Variants in AUTS2 observed in about 807,000 individuals in gnomAD.
The protein encoded by AUTS2 is autism susceptibility gene 2 protein.
Under a neutral mutation model 112.4 loss-of-function variants are expected in AUTS2, and 17 were observed. The ratio of observed to expected loss-of-function variants is 0.15; its 90% CI spans 0.10 to 0.23. The LOEUF (loss-of-function observed/expected upper bound fraction) is 0.23. AUTS2 is among the 10% of genes least tolerant of loss of function. The pLI is 1.00. For missense variants in AUTS2, 1,510 were observed against 1,701.6 expected (o/e 0.89, Z 1.98); for synonymous variants, 751 against 702.7 (o/e 1.07, Z -1.09).
chr7:70,237,270 A>C (rs1049573832), intron 4 of AUTS2, among the ~76,000 whole-genome samples: 2 of 152,198 alleles, frequency 1.3e-5, no homozygotes, highest in African/African-American at 2.4e-5. Context: ...TGCATCTCCT[A>C]GTTATTTGTT....
At chr7:70,046,359 A>G (rs1801503898) in intron 2 of AUTS2, among the ~76,000 whole-genome samples, 1 of 152,210 alleles carries the variant, frequency 6.6e-6, no homozygotes, top group Non-Finnish European at 1.5e-5. Context: ...TCTTCATATT[A>G]AATAAAACAA....
chr7:69,720,729 G>A (rs1798886683), intron 1 of AUTS2, among the ~76,000 whole-genome samples: 1 of 152,136 alleles, frequency 6.6e-6, no homozygotes, highest in South Asian at 2.1e-4. Flanking sequence ...GCTTTTTAGG[G>A]AGGAAATTCT....
At chr7:70,391,501 A>C (rs945323833) in intron 4 of AUTS2, among the ~76,000 whole-genome samples, 2 of 152,168 alleles carry the variant, frequency 1.3e-5, no homozygotes, top group African/African-American at 4.8e-5. Context: ...TGTGGAGTTC[A>C]GGCCCTCACA....
chr7:70,362,535 A>C (rs940852522), intron 4 of AUTS2, among the ~76,000 whole-genome samples: 3 of 152,096 alleles, frequency 2.0e-5, no homozygotes, highest in Non-Finnish European at 2.9e-5. Context: ...ATGTTCGTTG[A>C]TATTTCAAGC....
intron 3 of AUTS2, among the ~76,000 whole-genome samples, chr7:70,127,118 G>A (rs1032486577): frequency 1.3e-5 from 2 of 151,162 alleles, no homozygotes; most frequent in African/African-American, 4.9e-5. Context: ...AAGACACTGC[G>A]CCTGGCCTTG....
intron 4 of AUTS2, among the ~76,000 whole-genome samples, chr7:70,281,044 G>A (rs1439685154): frequency 6.6e-6 from 1 of 152,098 alleles, no homozygotes; most frequent in African/African-American, 2.4e-5. Flanking sequence ...CTGTCTCTGT[G>A]TGTGTGGAAA....
chr7:69,895,552 C>A (rs536856558), intron 1 of AUTS2, among the ~76,000 whole-genome samples: 3 of 147,082 alleles, frequency 2.0e-5, no homozygotes, highest in East Asian at 2.1e-4. Flanking sequence ...TTCCCCCCCC[C>A]CGAGTGGAAA....
At chr7:70,768,885 T>TTTTTTTC (rs1790122137) in intron 10 of AUTS2, among the ~76,000 whole-genome samples, 2 of 151,010 alleles carry the variant, frequency 1.3e-5, no homozygotes, top group African/African-American at 4.9e-5. Flanking sequence ...TTCTTTTTTT[T>TTTTTTTC]TTTTTTTTAA....
intron 5 of AUTS2, among the ~76,000 whole-genome samples, chr7:70,689,504 C>T (rs1189046322): frequency 2.6e-5 from 4 of 151,922 alleles, no homozygotes; most frequent in East Asian, 1.9e-4. Flanking sequence ...CAGCCAGGCA[C>T]GGTGGCTCAT....
chr7:69,605,560 A>G (rs995616162), intron 1 of AUTS2, among the ~76,000 whole-genome samples: 5 of 152,198 alleles, frequency 3.3e-5, no homozygotes. Flanking sequence ...GCTCTTTGGC[A>G]ACCTGTAAAA....
At chr7:70,404,846 AT>A (rs1794466897) in intron 4 of AUTS2, among the ~76,000 whole-genome samples, 1 of 152,244 alleles carries the variant, frequency 6.6e-6, no homozygotes, top group South Asian at 2.1e-4. Context: ...AATGGGTTTC[AT>A]AAGCATTTTC....
intron 1 of AUTS2, among the ~76,000 whole-genome samples, chr7:69,654,119 T>C (rs983808426): frequency 4.6e-5 from 7 of 152,236 alleles, no homozygotes; most frequent in Non-Finnish European, 8.8e-5. Flanking sequence ...TGGACAGCTA[T>C]GCTTGCTTTT....
intron 2 of AUTS2, among the ~76,000 whole-genome samples, chr7:70,000,217 G>A (rs1171866757): frequency 6.6e-6 from 1 of 152,154 alleles, no homozygotes; most frequent in African/African-American, 2.4e-5. Flanking sequence ...TCAGGGAACC[G>A]TACATAGAAT....
At chr7:69,604,588 G>C (rs1184159926) in intron 1 of AUTS2, among the ~76,000 whole-genome samples, 1 of 152,208 alleles carries the variant, frequency 6.6e-6, no homozygotes, top group Non-Finnish European at 1.5e-5. Context: ...AGGGTGAAGT[G>C]ATTTGGATAT....
intron 2 of AUTS2, among the ~76,000 whole-genome samples, chr7:70,005,927 C>T (rs1020969027): frequency 2.0e-5 from 3 of 152,078 alleles, no homozygotes; most frequent in African/African-American, 7.2e-5. Flanking sequence ...TATGCTAGTC[C>T]TTTGAAATTC....
chr7:70,513,359 A>G (rs530349934), intron 5 of AUTS2, among the ~76,000 whole-genome samples: 2 of 152,352 alleles, frequency 1.3e-5, no homozygotes, highest in South Asian at 4.1e-4. Flanking sequence ...ACCAGAAGCC[A>G]CAGCCTCCAT....
chr7:69,992,486 C>T (rs1433664912), intron 2 of AUTS2, among the ~76,000 whole-genome samples: 1 of 152,176 alleles, frequency 6.6e-6, no homozygotes, highest in Non-Finnish European at 1.5e-5. Flanking sequence ...TCCCTGTGTG[C>T]CTCCTGAGTG....
chr7:69,848,847 A>G (rs532738518), intron 1 of AUTS2, among the ~76,000 whole-genome samples: 3 of 152,160 alleles, frequency 2.0e-5, no homozygotes, highest in East Asian at 3.9e-4. Flanking sequence ...TTATGTTTAC[A>G]TTTGAAGTGG....
chr7:70,093,132 T>C (rs916687927), intron 2 of AUTS2, among the ~76,000 whole-genome samples: 6 of 152,204 alleles, frequency 3.9e-5, no homozygotes, highest in Admixed American at 2.0e-4. Context: ...GCAGCCCAGC[T>C]GGAGTACCAG....
Sources: allele counts gnomAD v4.1 joint callset (sites outside exome capture counted in the v4.1 genomes callset), GRCh38; gene constraint gnomAD v4.1.1; transcripts MANE v1.5; gene names NCBI Gene and HGNC (gene_info 2026-07-23, HGNC 2026-07-21).